PRSS23: variants seen among roughly 807,000 people sequenced by gnomAD.
PRSS23 encodes the protein serine protease 23, also known as protease, serine 23.
PRSS23 carries 25 observed loss-of-function variants against 34.7 expected under a neutral mutation model. The ratio of observed to expected loss-of-function variants is 0.72; its 90% confidence interval spans 0.53 to 1.01. PRSS23 has a LOEUF of 1.01. Among genes scored for constraint, PRSS23 ranks in the 50% least tolerant of loss-of-function variants. The pLI, the probability that PRSS23 is intolerant of heterozygous loss-of-function variation, is 0.00. For missense variants in PRSS23, 445 were observed against 475.6 expected (o/e 0.94, Z 0.60); for synonymous variants, 176 against 186.6 (o/e 0.94, Z 0.46).
At chr11:86,851,397 T>C (rs1948528486) in intron 2 of PRSS23, among the ~76,000 whole-genome samples, 2 of 152,312 alleles carry the variant, frequency 1.3e-5, no homozygotes, top group South Asian at 4.1e-4. Context: ...CTGCCCTTTC[T>C]ATACTTGACA....
chr11:86,834,921 C>T (rs1422697056), intron 2 of PRSS23, among the ~76,000 whole-genome samples: 1 of 152,208 alleles, frequency 6.6e-6, no homozygotes, highest in African/African-American at 2.4e-5. Flanking sequence ...CTGCATACCC[C>T]GCTTTTCGAA....
intron 2 of PRSS23, among the ~76,000 whole-genome samples, chr11:86,835,766 C>T (rs548050666): frequency 6.6e-6 from 1 of 152,092 alleles, no homozygotes; most frequent in African/African-American, 2.4e-5. Context: ...CAGAGCTGAG[C>T]CTTTGGTTTG....
chr11:86,938,712 C>G (rs556832440), intron 2 of PRSS23, among the ~76,000 whole-genome samples: 4 of 145,586 alleles, frequency 2.7e-5, no homozygotes, highest in South Asian at 4.8e-4. Flanking sequence ...AGTCATCTGT[C>G]CTGGATGGCC....
At chr11:86,823,315 A>C (rs1948267696) in intron 1 of PRSS23, 1 of 688,872 alleles carries the variant, frequency 1.5e-6, no homozygotes, top group Admixed American at 2.0e-5. Context: ...TAGAATAGCT[A>C]ACCTAATTTA....
intron 2 of PRSS23, among the ~76,000 whole-genome samples, chr11:86,827,622 TG>T (rs1429733264): frequency 2.6e-5 from 4 of 152,318 alleles, no homozygotes; most frequent in South Asian, 2.1e-4. Context: ...CTTTCTCTTG[TG>T]GGCATTTAGT....
At chr11:86,845,089 A>AG in intron 2 of PRSS23, among the ~76,000 whole-genome samples, 1 of 149,908 alleles carries the variant, frequency 6.7e-6, no homozygotes, top group Non-Finnish European at 1.5e-5. Context: ...ACTCTGTCTC[A>AG]GAAAAAAAAA....
chr11:86,916,984 T>C (rs910600580), intron 2 of PRSS23, among the ~76,000 whole-genome samples: 3 of 152,200 alleles, frequency 2.0e-5, no homozygotes, highest in Non-Finnish European at 4.4e-5. Context: ...ATGACAAAGT[T>C]GTTTTAAGTG....
rs1488631005 is a variant in PRSS23, at chr11:86,807,689, T to G, written c.46T>G (p.Cys16Gly). The change falls in exon 2 of 2, where the codon TGT (cysteine) becomes GGT (glycine). Residue 16 changes from cysteine to glycine, a missense_variant. Transcript: ENST00000280258. Reference sequence around the variant, plus strand: ...CCTCTTCCTTCTCTTCTTTCTGCTCTGTGCTGTTGGGCAAGTGAGCCCTTA... The same window carrying G: ...CCTCTTCCTTCTCTTCTTTCTGCTCGGTGCTGTTGGGCAAGTGAGCCCTTA... The part of the protein sequence containing the change: ...GLLFLLFFLL[C>G]AVGQVSPYSA... 6.2e-7 allele frequency: 1 copy of G among 1,613,932 alleles called. No homozygotes were observed. Among genetic ancestry groups the G allele is most frequent in the Non-Finnish European group, 8.5e-7 (1 of 1,179,972 alleles).
chr11:86,927,189 C>G (rs1749687867), intron 2 of PRSS23, among the ~76,000 whole-genome samples: 2 of 152,140 alleles, frequency 1.3e-5, no homozygotes. Flanking sequence ...GGAGAGTAGT[C>G]AGAGGGAAAG....
At chr11:86,804,512 A>T (rs1339949093) in intron 1 of PRSS23, among the ~76,000 whole-genome samples, 1 of 152,214 alleles carries the variant, frequency 6.6e-6, no homozygotes, top group Non-Finnish European at 1.5e-5. Flanking sequence ...AACTAATAGA[A>T]ATTAGGACTT....
At chr11:86,841,165 C>A (rs1948444288) in intron 2 of PRSS23, among the ~76,000 whole-genome samples, 1 of 151,910 alleles carries the variant, frequency 6.6e-6, no homozygotes, top group Admixed American at 6.6e-5. Flanking sequence ...CATGGAGATA[C>A]TCCATCTCTA....
chr11:86,903,794 T>C (rs1948926054), intron 2 of PRSS23, among the ~76,000 whole-genome samples: 1 of 152,114 alleles, frequency 6.6e-6, no homozygotes, highest in African/African-American at 2.4e-5. Context: ...ACATATAATC[T>C]TTTAAAATCT....
chr11:86,882,583 T>C (rs987716897), intron 2 of PRSS23, among the ~76,000 whole-genome samples: 13 of 152,206 alleles, frequency 8.5e-5, no homozygotes, highest in East Asian at 5.8e-4. Context: ...AAATGTACCA[T>C]ATTTTATCTA....
intron 2 of PRSS23, among the ~76,000 whole-genome samples, chr11:86,907,427 T>TC (rs1236465062): frequency 2.0e-5 from 3 of 152,194 alleles, no homozygotes; most frequent in African/African-American, 7.2e-5. Flanking sequence ...TTTTTTAAAA[T>TC]TGTGGTAAGA....
At chr11:86,901,007 A>G (rs1489041789) in intron 2 of PRSS23, among the ~76,000 whole-genome samples, 2 of 151,290 alleles carry the variant, frequency 1.3e-5, no homozygotes, top group Non-Finnish European at 2.9e-5. Context: ...CTGGTCTCGA[A>G]CTCCTAACCT....
At chr11:86,926,046 C>A (rs1385883554) in intron 2 of PRSS23, among the ~76,000 whole-genome samples, 2 of 152,150 alleles carry the variant, frequency 1.3e-5, no homozygotes, top group Non-Finnish European at 2.9e-5. Flanking sequence ...ATGCTAGGTG[C>A]CCTACATTCA....
chr11:86,800,521 G>C (rs1036636923), upstream of PRSS23: 1 of 984,442 alleles, frequency 1.0e-6, no homozygotes, highest in African/African-American at 1.8e-5. Flanking sequence ...CCAGCTGCCT[G>C]CGCTGCTCGC....
chr11:86,829,110 C>T (rs1948328807), intron 2 of PRSS23, among the ~76,000 whole-genome samples: 1 of 152,198 alleles, frequency 6.6e-6, no homozygotes, highest in African/African-American at 2.4e-5. Context: ...GTTCCATTCT[C>T]CCCGTCACTT....
intron 2 of PRSS23, chr11:86,939,065 C>G (rs1949183027): frequency 2.2e-6 from 1 of 448,554 alleles, no homozygotes; most frequent in African/African-American, 2.0e-5. Flanking sequence ...CAGTTTAGCC[C>G]TAGGAGGTGG....
Sources: allele counts gnomAD v4.1 joint callset (sites outside exome capture counted in the v4.1 genomes callset), GRCh38; gene constraint gnomAD v4.1.1; transcripts MANE v1.5; gene names NCBI Gene and HGNC (gene_info 2026-07-23, HGNC 2026-07-21).